PRDM5: variants seen among roughly 807,000 people sequenced by gnomAD.
PRDM5 encodes PR domain zinc finger protein 5.
In PRDM5, 56 loss-of-function variants were observed where a neutral mutation model predicts 81.2. The ratio of observed to expected loss-of-function variants is 0.69; its 90% CI spans 0.56 to 0.86. The LOEUF (loss-of-function observed/expected upper bound fraction) is 0.86, where lower values mean the gene tolerates loss of function less well. PRDM5 is among the 40% of genes least tolerant of loss of function. PRDM5 has a pLI of 0.00. For missense variants in PRDM5, 697 were observed against 770.1 expected (o/e 0.91, Z 1.12); for synonymous variants, 267 against 256.4 (o/e 1.04, Z -0.39).
intron 3 of PRDM5, among the ~76,000 whole-genome samples, chr4:120,852,179 C>G (rs143785274): frequency 4.1e-4 from 62 of 152,158 alleles, no homozygotes; most frequent in African/African-American, 1.5e-3. Flanking sequence ...GTATCAAAAC[C>G]TAATGTTTTG....
At chr4:120,763,608 T>A (rs543895490) in intron 13 of PRDM5, among the ~76,000 whole-genome samples, 7 of 152,130 alleles carry the variant, frequency 4.6e-5, no homozygotes, top group Non-Finnish European at 7.4e-5. Flanking sequence ...AGGGAACAAT[T>A]TAAGTCAAGG....
At chr4:120,790,811 G>A (rs1191668104) in intron 10 of PRDM5, among the ~76,000 whole-genome samples, 5 of 152,156 alleles carry the variant, frequency 3.3e-5, no homozygotes, top group African/African-American at 1.2e-4. Context: ...GATAGATTTA[G>A]CCAAGCATGG....
At chr4:120,880,406 T>C (rs543061146) in intron 2 of PRDM5, among the ~76,000 whole-genome samples, 4 of 152,228 alleles carry the variant, frequency 2.6e-5, no homozygotes, top group African/African-American at 9.6e-5. Context: ...AGACATATAA[T>C]GTAAACCACA....
chr4:120,875,096 C>A (rs1423148745), intron 2 of PRDM5, among the ~76,000 whole-genome samples: 2 of 152,190 alleles, frequency 1.3e-5, no homozygotes, highest in Non-Finnish European at 2.9e-5. Flanking sequence ...AAGGCCTGGC[C>A]TGGCCCTCCC....
chr4:120,818,425 G>C lies in PRDM5; in HGVS notation c.578C>G (p.Pro193Arg). The C allele has an allele frequency of 6.2e-7, 1 of 1,613,926 alleles. No homozygotes were observed. The highest frequency in any genetic ancestry group is 8.5e-7 in the Non-Finnish European group (1 of 1,179,910). ...GCACTTAAATTCTTTCTCCTCTGTG[G>C]GTTTCTGGTGCAATGTCTGGAGATG... ...AEHLQTLHQK[P>R]TEEKEFKCKN... The change falls in exon 5 of 16, where the codon CCC (proline) becomes CGC (arginine). Residue 193 changes from proline to arginine, a missense_variant. By Grantham distance (103) the Pro-to-Arg change is moderately radical (BLOSUM62 -2). Around this residue, in one of 3 missense-constraint regions of PRDM5, gnomAD observed 577 missense variants for 606.7 expected, o/e 0.95. Coordinates refer to ENST00000264808, the MANE Select transcript of PRDM5 (RefSeq NM_018699.4).
At chr4:120,684,960 T>C (rs1256526395) in exon 2 of PRDM5, 1 of 152,056 alleles carries the variant, frequency 6.6e-6, no homozygotes. Context: ...TTAGCCATAA[T>C]GCATAAATGA....
chr4:120,752,860 G>A (rs1314549327), intron 14 of PRDM5, among the ~76,000 whole-genome samples: 1 of 152,022 alleles, frequency 6.6e-6, no homozygotes, highest in Non-Finnish European at 1.5e-5. Flanking sequence ...AAATGTGAAG[G>A]CCTAAAAGAG....
At chr4:120,891,716 G>T (rs1464352693) in intron 2 of PRDM5, among the ~76,000 whole-genome samples, 1 of 151,950 alleles carries the variant, frequency 6.6e-6, no homozygotes, top group South Asian at 2.1e-4. Flanking sequence ...CGCAACCTCC[G>T]CCTTCTGGGT....
At chr4:120,761,327 C>T (rs1745576307) in intron 13 of PRDM5, among the ~76,000 whole-genome samples, 1 of 152,126 alleles carries the variant, frequency 6.6e-6, no homozygotes, top group Admixed American at 6.5e-5. Context: ...CAACAAGCTA[C>T]CTTGAGCCTT....
intron 2 of PRDM5, among the ~76,000 whole-genome samples, chr4:120,864,497 A>G (rs1168301997): frequency 6.6e-6 from 1 of 152,212 alleles, no homozygotes. Flanking sequence ...ACATGCAACC[A>G]AAGAGGAACA....
intron 15 of PRDM5, among the ~76,000 whole-genome samples, chr4:120,707,144 T>A (rs1246423325): frequency 6.6e-6 from 1 of 152,052 alleles, no homozygotes; most frequent in Admixed American, 6.6e-5. Context: ...AAATCTCTTA[T>A]AAATTCAGAT....
chr4:120,697,699 T>C (rs1456169398), intron 15 of PRDM5, among the ~76,000 whole-genome samples: 3 of 147,784 alleles, frequency 2.0e-5, no homozygotes, highest in African/African-American at 7.5e-5. Context: ...TTTTGTATTT[T>C]TTACCTATGA....
intron 3 of PRDM5, chr4:120,837,663 A>C (rs565570900): frequency 4.6e-5 from 7 of 152,362 alleles, no homozygotes; most frequent in African/African-American, 1.7e-4. Flanking sequence ...ACATAGATGC[A>C]TGCTATATTC....
intron 1 of PRDM5, among the ~76,000 whole-genome samples, chr4:120,920,394 T>C (rs111917971): frequency 2.0e-5 from 3 of 152,248 alleles, no homozygotes; most frequent in Non-Finnish European, 4.4e-5. Flanking sequence ...AGGTTCTTAA[T>C]GTAGCTGCTG....
intron 13 of PRDM5, among the ~76,000 whole-genome samples, chr4:120,763,035 A>T (rs78734194): frequency 0.011 from 1,644 of 152,330 alleles, 17 homozygotes; most frequent in Non-Finnish European, 0.019. Flanking sequence ...TTATCATCTG[A>T]TTCAAAACAA....
chr4:120,782,083 GTTC>G, intron 11 of PRDM5, among the ~76,000 whole-genome samples: 1 of 151,624 alleles, frequency 6.6e-6, no homozygotes, highest in East Asian at 1.9e-4. Context: ...TATTTTTATA[GTTC>G]TTCTTAACAC....
intron 11 of PRDM5, among the ~76,000 whole-genome samples, chr4:120,782,816 T>C (rs1459231038): frequency 1.3e-5 from 2 of 152,158 alleles, no homozygotes; most frequent in African/African-American, 4.8e-5. Context: ...AAGAGATCTT[T>C]TTAAAAAAAC....
rs760647048 is a variant in PRDM5, at chr4:120,695,284, G to C, written c.1729-9C>G. 1.9e-6 allele frequency: 3 copies of C among 1,613,032 alleles called. No homozygotes were observed. The highest frequency in any genetic ancestry group is 2.2e-5 in the South Asian group (2 of 91,046). Reference sequence around the variant, plus strand: ...AAAGCCAAATCACAAACCTAGAAAAGACCCAAAGACCAACCATATTATACT... The same window carrying C: ...AAAGCCAAATCACAAACCTAGAAAACACCCAAAGACCAACCATATTATACT... On this transcript the variant is annotated splice_polypyrimidine_tract_variant and intron_variant, in intron 15 of 15. Transcript: ENST00000264808.
downstream of PRDM5, among the ~76,000 whole-genome samples, chr4:120,689,125 T>G (rs1036162998): frequency 6.6e-6 from 1 of 152,180 alleles, no homozygotes; most frequent in Non-Finnish European, 1.5e-5. Flanking sequence ...TTTATCAGGA[T>G]AAAGCCAACT....
Sources: allele counts gnomAD v4.1 joint callset (sites outside exome capture counted in the v4.1 genomes callset), GRCh38; gene constraint gnomAD v4.1.1; regional missense constraint gnomAD v4.1.1; transcripts MANE v1.5; gene names NCBI Gene and HGNC (gene_info 2026-07-23, HGNC 2026-07-21).